Variants in MTA3 observed in about 807,000 individuals in gnomAD.
MTA3 encodes the protein metastasis associated 1 family member 3.
MTA3 carries 34 observed loss-of-function variants against 83.5 expected under a neutral mutation model. The observed-to-expected ratio is 0.41, with a 90% CI of 0.31 to 0.54. The LOEUF is 0.54. MTA3 is among the 20% of genes least tolerant of loss of function. The pLI is 0.33. For synonymous variants in MTA3, 303 were observed against 252.7 expected (o/e 1.20, Z -1.89); for missense variants, 761 against 726.4 (o/e 1.05, Z -0.55).
intron 11 of MTA3, 96 bp from the exon 12 acceptor site, chr2:42,704,098 T>C: frequency 7.5e-7 from 1 of 1,340,192 alleles, no homozygotes. Context: ...TGTTTGTTTA[T>C]GTTTATTAAA....
intron 2 of MTA3, among the ~76,000 whole-genome samples, chr2:42,552,451 T>C (rs1465380929): frequency 3.3e-5 from 5 of 152,002 alleles, no homozygotes; most frequent in Non-Finnish European, 1.5e-5. Context: ...TGAAAAGGCT[T>C]TTTAAAACTA....
chr2:42,637,030 C>G (rs1288449649), intron 4 of MTA3, among the ~76,000 whole-genome samples: 2 of 152,170 alleles, frequency 1.3e-5, no homozygotes, highest in African/African-American at 2.4e-5. Flanking sequence ...ATGGGACATA[C>G]CATTAAGCAA....
At chr2:42,628,956 TG>T (rs1686401229) in intron 4 of MTA3, among the ~76,000 whole-genome samples, 1 of 152,170 alleles carries the variant, frequency 6.6e-6, no homozygotes, top group African/African-American at 2.4e-5. Context: ...AGTCGGTAGA[TG>T]GGAGTAGATT....
At chr2:42,690,233 G>A (rs1186840650) in intron 9 of MTA3, among the ~76,000 whole-genome samples, 7 of 152,098 alleles carry the variant, frequency 4.6e-5, no homozygotes, top group African/African-American at 1.7e-4. Flanking sequence ...TCCAATATAA[G>A]CACTTAATGG....
At chr2:42,536,215 T>A (rs1250033593) in intron 2 of MTA3, among the ~76,000 whole-genome samples, 1 of 151,838 alleles carries the variant, frequency 6.6e-6, no homozygotes, top group African/African-American at 2.4e-5. Context: ...TGCTCACACC[T>A]GTAATCCCAG....
chr2:42,502,001 T>A (rs995353991), intron 2 of MTA3, among the ~76,000 whole-genome samples: 2 of 152,004 alleles, frequency 1.3e-5, no homozygotes, highest in African/African-American at 4.8e-5. Flanking sequence ...AATTAAAATT[T>A]AAATTTAAAA....
At chr2:42,609,681 C>G (rs986520860) in intron 4 of MTA3, 97 bp downstream of exon 4, 2 of 1,338,700 alleles carry the variant, frequency 1.5e-6, no homozygotes, top group East Asian at 2.3e-5. Context: ...CAGGATCTTG[C>G]TTAAACTACT....
At chr2:42,641,543 A>G (rs75356155) in intron 5 of MTA3, among the ~76,000 whole-genome samples, 2,194 of 152,204 alleles carry the variant, frequency 0.014, 53 homozygotes, top group African/African-American at 0.049. Context: ...CATGCATTTC[A>G]TTGTATTAAA....
At chr2:42,731,322 T>C (rs1668213965) in intron 16 of MTA3, among the ~76,000 whole-genome samples, 1 of 152,234 alleles carries the variant, frequency 6.6e-6, no homozygotes, top group African/African-American at 2.4e-5. Context: ...AATTTTTTGA[T>C]GTAGGCTTGT....
In MTA3 at chr2:42,754,179, C is replaced by G. The variant is rs1326289058; in HGVS notation, c.*780C>G. 6 of 985,368 alleles carry G rather than the reference C, an allele frequency of 6.1e-6. No homozygotes were observed. The highest frequency in any genetic ancestry group is 7.2e-6 in the Non-Finnish European group (6 of 829,974). The allele number at this position is 985,368 out of a possible 1,614,324, so 61.0% of individuals were successfully genotyped here. A position where few individuals can be genotyped will look rare whatever the true frequency, so the allele number is the denominator to read the frequency against. On this transcript the variant is annotated 3_prime_UTR_variant, in exon 17 of 17. Transcript: ENST00000405094. Reference sequence around the variant, plus strand: ...TTAAAAGTGCCAAGCGTGTGTATCACTGTGACAAGCCGTTTGCTTACTGCC... The same window carrying G: ...TTAAAAGTGCCAAGCGTGTGTATCAGTGTGACAAGCCGTTTGCTTACTGCC...
intron 11 of MTA3, among the ~76,000 whole-genome samples, 195 bp downstream of exon 11, chr2:42,698,029 A>G (rs1255968623): frequency 6.6e-6 from 1 of 152,190 alleles, no homozygotes; most frequent in Non-Finnish European, 1.5e-5. Flanking sequence ...TAACCTGAAG[A>G]CTAGAGGAAG....
intron 2 of MTA3, among the ~76,000 whole-genome samples, chr2:42,496,698 G>A (rs550236709): frequency 2.3e-4 from 35 of 150,998 alleles, no homozygotes; most frequent in Non-Finnish European, 3.5e-4. Flanking sequence ...TAACTAGCCC[G>A]AGCATTCCCA....
chr2:42,494,415 C>T (rs973082782), upstream of MTA3, among the ~76,000 whole-genome samples: 7 of 152,208 alleles, frequency 4.6e-5, no homozygotes, highest in Admixed American at 2.6e-4. Context: ...CAGAAACTGT[C>T]CGGAGCCCAG....
intron 15 of MTA3, 51 bp downstream of exon 15, chr2:42,719,125 A>C: frequency 2.9e-6 from 4 of 1,366,412 alleles, no homozygotes; most frequent in Non-Finnish European, 4.1e-6. Context: ...TCTGAATAGT[A>C]TAGATATTTG....
In MTA3 at chr2:42,529,533, T is replaced by C. The variant is rs181991995; in HGVS notation, c.-141+34279T>C. ...CCTGTACCCTCGTTTTTATTTCCAA[T>C]CTAAGGACTTACTGTTTCTTCAGTG... On this transcript the variant is annotated intron_variant, in intron 2 of 17. Coordinates refer to the MTA3 transcript ENST00000405592. Among the ~76,000 whole-genome samples the C allele has an allele frequency of 1.1e-4, 16 of 152,340 alleles. 1 individual carries two copies. In the East Asian group the frequency reaches 3.1e-3, roughly 29 times the overall value.
At chr2:42,536,134 C>G (rs1196101980) in intron 2 of MTA3, among the ~76,000 whole-genome samples, 1 of 142,062 alleles carries the variant, frequency 7.0e-6, no homozygotes, top group Non-Finnish European at 1.5e-5. Context: ...AAAAAAAAAG[C>G]CATAGAGCAT....
chr2:42,528,958 T>C (rs1192928937), intron 2 of MTA3, among the ~76,000 whole-genome samples: 1 of 152,190 alleles, frequency 6.6e-6, no homozygotes, highest in Non-Finnish European at 1.5e-5. Flanking sequence ...AAACATTTGG[T>C]TACCTTTGTT....
At chr2:42,648,432 G>T (rs1216101214) in intron 6 of MTA3, among the ~76,000 whole-genome samples, 1 of 152,210 alleles carries the variant, frequency 6.6e-6, no homozygotes, top group Non-Finnish European at 1.5e-5. Flanking sequence ...TGTAGAACTG[G>T]AATTAATATC....
intron 14 of MTA3, among the ~76,000 whole-genome samples, chr2:42,710,454 G>A (rs1573715588): frequency 6.6e-6 from 1 of 150,978 alleles, no homozygotes; most frequent in East Asian, 2.0e-4. Context: ...AGGAGGCCAA[G>A]GCAGGAGAAT....
Sources: allele counts gnomAD v4.1 joint callset (sites outside exome capture counted in the v4.1 genomes callset), GRCh38; gene constraint gnomAD v4.1.1; transcripts MANE v1.5; gene names NCBI Gene and HGNC (gene_info 2026-07-23, HGNC 2026-07-21).